MAP3K15: variants seen among roughly 807,000 people sequenced by gnomAD.
The protein encoded by MAP3K15 is mitogen-activated protein kinase kinase kinase 15.
Under a neutral mutation model 99.5 loss-of-function variants are expected in MAP3K15, and 124 were observed. The ratio of observed to expected loss-of-function variants is 1.25; its 90% confidence interval spans 1.08 to 1.45. The LOEUF (loss-of-function observed/expected upper bound fraction) is 1.45, where lower values mean the gene tolerates loss of function less well. Among genes scored for constraint, MAP3K15 ranks in the 40% most tolerant of loss-of-function variants. The pLI is 0.00. For synonymous variants in MAP3K15, 494 were observed against 439.6 expected, an observed-to-expected ratio of 1.12 and a Z score of -1.55; for missense variants, 1,242 against 1,079.7, an observed-to-expected ratio of 1.15 and a Z score of -2.11.
intron 3 of MAP3K15, among the ~76,000 whole-genome samples, chrX:19,485,986 G>A (rs1219121702): frequency 8.9e-6 from 1 of 111,905 alleles, no homozygotes; most frequent in Non-Finnish European, 1.9e-5. Context: ...AGCCAAATCA[G>A]GAGACTTCAG....
chrX:19,480,895 G>A (rs1412479737), intron 3 of MAP3K15, among the ~76,000 whole-genome samples: 2 of 107,296 alleles, frequency 1.9e-5, no homozygotes, highest in Non-Finnish European at 3.8e-5. Context: ...TGGGCAGACT[G>A]CTCGAGCCCA....
At chrX:19,399,496 G>A (rs1320797171) in intron 14 of MAP3K15, among the ~76,000 whole-genome samples, 9 of 107,827 alleles carry the variant, frequency 8.3e-5, no homozygotes. Flanking sequence ...CCTGGTAGGT[G>A]GAGGTTGCAG....
chrX:19,380,487 T>C (rs977312487), intron 18 of MAP3K15, among the ~76,000 whole-genome samples: 2 of 111,571 alleles, frequency 1.8e-5, no homozygotes, highest in Non-Finnish European at 1.9e-5. Context: ...GCTTCACAAA[T>C]GGCAGATGGA....
chrX:19,494,870 G>T (rs1165539999), intron 1 of MAP3K15, among the ~76,000 whole-genome samples: 1 of 81,681 alleles, frequency 1.2e-5, no homozygotes, highest in Admixed American at 1.2e-4. Flanking sequence ...CTACCTAAAA[G>T]CTACCTTTAA....
At chrX:19,375,485 G>A (rs1476915804) in intron 19 of MAP3K15, among the ~76,000 whole-genome samples, 2 of 112,064 alleles carry the variant, frequency 1.8e-5, no homozygotes, top group African/African-American at 6.5e-5. Flanking sequence ...GCCACATCTC[G>A]CTGTGACACG....
At chrX:19,411,555 G>A (rs2063688162) in intron 11 of MAP3K15, among the ~76,000 whole-genome samples, 1 of 112,212 alleles carries the variant, frequency 8.9e-6, no homozygotes, top group African/African-American at 3.2e-5. Context: ...ATGGGGGGCG[G>A]TGAAAAGTGT....
At chrX:19,480,696 G>T (rs1294290550) in intron 3 of MAP3K15, among the ~76,000 whole-genome samples, 1 of 104,595 alleles carries the variant, frequency 9.6e-6, no homozygotes, top group East Asian at 3.0e-4. Flanking sequence ...CGTGGTAGCG[G>T]GCACCTGTGA....
Position 19,460,173 on chromosome X carries a change from A to G in MAP3K15, c.720-20T>C. On this transcript the variant is annotated intron_variant, in intron 4 of 28. Transcript: ENST00000338883. ...TAAACACTATAGAAAGAAAAACACA[A>G]AATCCTCCAGTCACATCTGCACGCA... 8.8e-7 allele frequency: 1 copy of G among 1,131,402 alleles called. No homozygotes were observed. The highest frequency in any genetic ancestry group is 2.0e-5 in the South Asian group (1 of 49,344). The allele number at this position is 1,131,402 out of a possible 1,213,427, so 93.2% of individuals were successfully genotyped here.
chrX:19,491,088 C>G (rs1646358374), intron 1 of MAP3K15, among the ~76,000 whole-genome samples: 1 of 111,321 alleles, frequency 9.0e-6, no homozygotes, highest in Admixed American at 9.6e-5. Flanking sequence ...GGCAGGCAGG[C>G]AGCATATCAG....
chrX:19,374,907 C>T (rs1022843396), intron 19 of MAP3K15, among the ~76,000 whole-genome samples: 4 of 111,557 alleles, frequency 3.6e-5, no homozygotes, highest in African/African-American at 1.3e-4. Context: ...TTTCAGGGCC[C>T]GGGCCTTAAG....
intron 6 of MAP3K15, 101 bp from the exon 7 acceptor site, chrX:19,431,709 G>T: frequency 1.5e-6 from 1 of 675,208 alleles, no homozygotes; most frequent in Non-Finnish European, 2.1e-6. Flanking sequence ...ACTTTGGGAG[G>T]CCGAAGCGGG....
intron 6 of MAP3K15, among the ~76,000 whole-genome samples, chrX:19,441,171 T>C (rs2063956616): frequency 8.9e-6 from 1 of 111,975 alleles, no homozygotes; most frequent in African/African-American, 3.2e-5. Context: ...TGATTCCATT[T>C]ATATGAAATG....
chrX:19,486,692 C>T (rs1286120585), intron 2 of MAP3K15, among the ~76,000 whole-genome samples, 187 bp from the exon 3 acceptor site: 2 of 111,263 alleles, frequency 1.8e-5, no homozygotes, highest in South Asian at 7.6e-4. Context: ...CACAATGAAC[C>T]TCTGAATTGC....
intron 1 of MAP3K15, among the ~76,000 whole-genome samples, chrX:19,500,162 G>A (rs1260853284): frequency 3.6e-5 from 4 of 111,805 alleles, no homozygotes; most frequent in African/African-American, 1.3e-4. Context: ...GAAGAGAATC[G>A]CTTGAACTTG....
At chrX:19,510,822 C>T (rs1258821962) in intron 1 of MAP3K15, among the ~76,000 whole-genome samples, 1 of 112,311 alleles carries the variant, frequency 8.9e-6, no homozygotes, top group Non-Finnish European at 1.9e-5. Flanking sequence ...ACTCCTTAAG[C>T]TGATAAACAA....
rs1475989849 is a variant in MAP3K15 at position 19,372,752 on chromosome X, G to A, written c.3009C>T (p.Phe1003=). Reference sequence around the variant, plus strand: ...GGCGCTCACTGTCCTTGCGTAGCAGGAAGAGGCCCTGGTCCCTGTCCTCCG... The same window carrying A: ...GGCGCTCACTGTCCTTGCGTAGCAGAAAGAGGCCCTGGTCCCTGTCCTCCG... ...SSPEDRDQGL[F]LLRKDSERRA... The change falls in exon 22 of 29, where the codon TTC becomes TTT. Residue 1003 remains phenylalanine (F), a synonymous_variant. Coordinates refer to ENST00000338883, the MANE Select transcript of MAP3K15 (RefSeq NM_001001671.4). 1 of 1,209,994 alleles carries A rather than the reference G, an allele frequency of 8.3e-7. No homozygotes were observed. The highest frequency in any genetic ancestry group is 1.1e-6 in the Non-Finnish European group (1 of 895,079).
Position 19,415,193 on chromosome X carries a change from G to A in MAP3K15, c.1504C>T (p.His502Tyr), listed in dbSNP as rs1325678842. ...IRRFKKTIIE[H>Y]SPRQERLNFW... The stretch of plus-strand genomic sequence containing the variant: ...TTCAGCCGCTCTTGCCTGGGCGAGT[G>A]TTCAATAATGGTTTTCTTGAAGCGC... Residue 502 changes from histidine (H) to tyrosine (Y), a missense_variant, in exon 10 of 29, where the codon CAC (histidine) becomes TAC (tyrosine). Coordinates refer to ENST00000338883, the MANE Select transcript of MAP3K15 (RefSeq NM_001001671.4). 2 of 1,179,455 alleles carry A rather than the reference G, an allele frequency of 1.7e-6. No individual in the cohort carries two copies. The highest frequency in any genetic ancestry group is 2.3e-6 in the Non-Finnish European group (2 of 884,026).
In MAP3K15 at chrX:19,369,219, T is replaced by A. The variant is rs1329058417; in HGVS notation, c.3401A>T (p.Glu1134Val). Reference sequence around the variant, plus strand: ...GGTAGGCTCAAAGTGGGCTCGGAGCTCTGCAAATCACACAAGACATGACAA... The same window carrying A: ...GGTAGGCTCAAAGTGGGCTCGGAGCACTGCAAATCACACAAGACATGACAA... ...VQAAVTILIP[E>V]LRAHFEPTCE... The change falls in exon 25 of 29, where the codon GAG (glutamate) becomes GTG (valine). Residue 1134 changes from glutamate to valine, a missense_variant and splice_region_variant. Physicochemically the swap from Glu to Val is moderately radical, Grantham distance 121. Coordinates refer to ENST00000338883, the MANE Select transcript of MAP3K15 (RefSeq NM_001001671.4). 9.1e-6 allele frequency: 11 copies of A among 1,211,106 alleles called. No homozygotes were observed. Among genetic ancestry groups the A allele is most frequent in the Non-Finnish European group, 1.2e-5 (11 of 895,226 alleles).
chrX:19,395,955 T>A (rs1487784442), intron 15 of MAP3K15, among the ~76,000 whole-genome samples: 1 of 112,211 alleles, frequency 8.9e-6, no homozygotes, highest in East Asian at 2.8e-4. Context: ...TGTTTTTCCA[T>A]CAGCATAGGC....
Sources: gnomAD v4.1 joint callset for allele counts (sites outside exome capture counted in the v4.1 genomes callset) on GRCh38, gnomAD v4.1.1 for gene constraint, MANE v1.5 for transcripts, NCBI Gene and HGNC (gene_info 2026-07-23, HGNC 2026-07-21) for gene names.